Variants in AXDND1 observed in about 807,000 individuals in gnomAD.
The protein encoded by AXDND1 is axonemal dynein light chain domain containing 1, also known as axonemal dynein light chain domain-containing protein 1.
Under a neutral mutation model 137.5 loss-of-function variants are expected in AXDND1, and 110 were observed. That is an observed-to-expected ratio of 0.80 (90% CI 0.69 to 0.94). AXDND1 has a LOEUF of 0.94. AXDND1 is among the 40% of genes least tolerant of loss of function. The pLI, the probability that AXDND1 is intolerant of heterozygous loss-of-function variation, is 0.00. For missense variants in AXDND1, 1,191 were observed against 1,169.8 expected (o/e 1.02, Z -0.26); for synonymous variants, 414 against 399.7 (o/e 1.04, Z -0.43).
At chr1:179,491,439 G>T in intron 18 of AXDND1, 99 bp from the exon 19 acceptor site, 4 of 790,220 alleles carry the variant, frequency 5.1e-6, no homozygotes, top group Non-Finnish European at 4.1e-6. Context: ...GTTGAAAGTT[G>T]GACACAGGCA....
intron 8 of AXDND1, 62 bp downstream of exon 8, chr1:179,383,606 T>A: frequency 7.9e-7 from 1 of 1,273,832 alleles, no homozygotes; most frequent in Non-Finnish European, 1.1e-6. Flanking sequence ...GCAGATTGCC[T>A]AGGTTAGAAT....
rs551069339 is a variant in AXDND1, at chr1:179,396,059, C to T, written c.1109+857C>T. Among the ~76,000 whole-genome samples, 115 of 151,708 alleles carry T rather than the reference C, an allele frequency of 7.6e-4. 2 individuals carry two copies. Among genetic ancestry groups the T allele is most frequent in the Non-Finnish European group, 7.5e-4 (51 of 67,984 alleles). On this transcript the variant is annotated intron_variant, in intron 11 of 25. Transcript: ENST00000367618. ...AGGTGCTTGCCTGTAATCCTAGCTA[C>T]GTGGAAGGCTGAGGCATGAGAATTG...
chr1:179,474,590 C>T (rs1558235530), intron 17 of AXDND1, among the ~76,000 whole-genome samples: 1 of 152,180 alleles, frequency 6.6e-6, no homozygotes, highest in African/African-American at 2.4e-5. Flanking sequence ...CATTTTGACT[C>T]TGCCCTAGAA....
At chr1:179,425,958 T>C (rs1463515745) in intron 12 of AXDND1, among the ~76,000 whole-genome samples, 1 of 150,450 alleles carries the variant, frequency 6.6e-6, no homozygotes, top group Non-Finnish European at 1.5e-5. Context: ...TGCCACAGCC[T>C]CTCAAGTAGC....
At chr1:179,419,839 C>A (rs922216773) in intron 12 of AXDND1, among the ~76,000 whole-genome samples, 3 of 152,084 alleles carry the variant, frequency 2.0e-5, no homozygotes, top group Non-Finnish European at 2.9e-5. Context: ...TCAGTTCTAA[C>A]AGGTTTTTGG....
intron 12 of AXDND1, among the ~76,000 whole-genome samples, chr1:179,426,306 G>A (rs1313878857): frequency 6.6e-6 from 1 of 152,012 alleles, no homozygotes; most frequent in Non-Finnish European, 1.5e-5. Context: ...CAAAACAGTA[G>A]GCACAGACTA....
intron 25 of AXDND1, among the ~76,000 whole-genome samples, chr1:179,546,937 C>T (rs1410587): frequency 0.58 from 88,009 of 152,030 alleles, 26,023 homozygotes; most frequent in African/African-American, 0.7. Flanking sequence ...TTGTCTGCTA[C>T]CTTGTAGCAT....
At chr1:179,444,656 T>TA (rs35714113) in intron 15 of AXDND1, among the ~76,000 whole-genome samples, 47,919 of 151,290 alleles carry the variant, frequency 0.32, 7,877 homozygotes, top group African/African-American at 0.37. Flanking sequence ...AAGCCAATAG[T>TA]ATTAAACATG....
At chr1:179,401,273 A>G (rs1379553877) in intron 11 of AXDND1, among the ~76,000 whole-genome samples, 3 of 151,636 alleles carry the variant, frequency 2.0e-5, no homozygotes, top group Non-Finnish European at 4.4e-5. Flanking sequence ...AAAAAAAAAA[A>G]AAAAAGAACG....
At chr1:179,367,181 A>G (rs1419549555) in intron 2 of AXDND1, among the ~76,000 whole-genome samples, 1 of 151,098 alleles carries the variant, frequency 6.6e-6, no homozygotes, top group African/African-American at 2.4e-5. Flanking sequence ...GGATCGAGCC[A>G]TTGCATTCCA....
intron 11 of AXDND1, among the ~76,000 whole-genome samples, chr1:179,402,862 C>CA (rs1254363894): frequency 6.6e-6 from 1 of 152,226 alleles, no homozygotes; most frequent in East Asian, 1.9e-4. Context: ...TGGCACTTGA[C>CA]AAAGTCACCT....
chr1:179,528,251 A>G, intron 22 of AXDND1, 76 bp from the exon 23 acceptor site: 1 of 984,172 alleles, frequency 1.0e-6, no homozygotes, highest in South Asian at 1.4e-5. Flanking sequence ...GTGCCAGGAA[A>G]CTTGCTACCG....
At chr1:179,508,432 T>G (rs1387133656) in intron 20 of AXDND1, among the ~76,000 whole-genome samples, 1 of 152,154 alleles carries the variant, frequency 6.6e-6, no homozygotes, top group Non-Finnish European at 1.5e-5. Context: ...TTTCACCACA[T>G]GCTGCCGTTT....
intron 25 of AXDND1, 57 bp from the exon 26 acceptor site, chr1:179,554,455 G>A (rs770604019): frequency 6.2e-7 from 1 of 1,613,908 alleles, no homozygotes; most frequent in Non-Finnish European, 8.5e-7. Context: ...TACAGTTCTT[G>A]CTAGTTAATT....
At chr1:179,442,707 C>A (rs1659161504) in intron 15 of AXDND1, among the ~76,000 whole-genome samples, 1 of 152,274 alleles carries the variant, frequency 6.6e-6, no homozygotes, top group South Asian at 2.1e-4. Context: ...ACATCCGCTG[C>A]CGGCAGACTC....
At chr1:179,374,635 C>G (rs1450806994) in intron 4 of AXDND1, among the ~76,000 whole-genome samples, 2 of 152,080 alleles carry the variant, frequency 1.3e-5, no homozygotes, top group African/African-American at 2.4e-5. Context: ...CCATGGAATA[C>G]TTTGTAGCCG....
chr1:179,463,890 T>G (rs1319584540), intron 16 of AXDND1, among the ~76,000 whole-genome samples: 8 of 152,324 alleles, frequency 5.3e-5, no homozygotes, highest in Middle Eastern at 3.4e-3. Context: ...TCTTTGTCTC[T>G]TTTGATCTTT....
chr1:179,444,905 T>A, intron 15 of AXDND1, 65 bp from the exon 16 acceptor site: 1 of 1,137,528 alleles, frequency 8.8e-7, no homozygotes, highest in Non-Finnish European at 1.3e-6. Flanking sequence ...AATAAGCATC[T>A]GGTAGACTTT....
chr1:179,457,626 C>T (rs1661601814), intron 16 of AXDND1, among the ~76,000 whole-genome samples: 1 of 152,114 alleles, frequency 6.6e-6, no homozygotes, highest in African/African-American at 2.4e-5. Flanking sequence ...TCCACATATT[C>T]ATATTTTCAG....
Sources: gnomAD v4.1 joint callset for allele counts (sites outside exome capture counted in the v4.1 genomes callset) on GRCh38, gnomAD v4.1.1 for gene constraint, MANE v1.5 for transcripts, NCBI Gene and HGNC (gene_info 2026-07-23, HGNC 2026-07-21) for gene names.